The following LYSMD1 variants were observed in gnomAD, a reference collection of about 807,000 sequenced individuals.
LYSMD1 encodes the protein LysM domain containing 1.
A neutral mutation model predicts 19.3 loss-of-function variants in LYSMD1; 9 were observed. The ratio of observed to expected loss-of-function variants is 0.47; its 90% CI spans 0.28 to 0.81. The LOEUF (loss-of-function observed/expected upper bound fraction) is 0.81. Among genes scored for constraint, LYSMD1 ranks in the 40% least tolerant of loss-of-function variants. LYSMD1 has a pLI of 0.11. For missense variants in LYSMD1, 262 were observed against 279.8 expected (o/e 0.94, Z 0.45); for synonymous variants, 111 against 111.7 (o/e 0.99, Z 0.04).
At chr1:151,158,619 A>G (rs1683313398), downstream of LYSMD1, 2 of 1,304,030 alleles carry the variant, frequency 1.5e-6, no homozygotes. Context: ...CAGAAAAGGG[A>G]AAAGCCATTT....
At chr1:151,159,223 A>G (rs753588342), downstream of LYSMD1, 7 of 1,613,452 alleles carry the variant, frequency 4.3e-6, no homozygotes, top group Non-Finnish European at 5.9e-6. Flanking sequence ...TGACGGACTC[A>G]GGAAGCTGCT....
At chr1:151,155,701 G>A (rs1370494411), downstream of LYSMD1, among the ~76,000 whole-genome samples, 2 of 152,196 alleles carry the variant, frequency 1.3e-5, no homozygotes, top group Non-Finnish European at 2.9e-5. Flanking sequence ...GGGCGACAGA[G>A]TGAGACCCTA....
chr1:151,165,203 C>G lies in LYSMD1; in HGVS notation c.56G>C (p.Ser19Thr). 2.5e-6 allele frequency: 4 copies of G among 1,614,206 alleles called. No homozygotes were observed. Among genetic ancestry groups the G allele is most frequent in the Non-Finnish European group, 3.4e-6 (4 of 1,180,032 alleles). The change falls in exon 1 of 3, where the codon AGC becomes ACC. Residue 19 changes from serine (S) to threonine (T), a missense_variant. Ser to Thr is a moderately conservative substitution (Grantham distance 58). Coordinates refer to ENST00000368908, the MANE Select transcript of LYSMD1 (RefSeq NM_212551.5). The stretch of plus-strand genomic sequence containing the variant: ...CAGGCTTCCATATGAACGAGCCCGG[C>G]TCCCTTGAAGCAGTCCTGACCCCCC... ...PPGGSGLLQGSRARSYGSLVQ... is the reference protein window; with the variant it reads ...PPGGSGLLQGTRARSYGSLVQ...
chr1:151,159,501 G>A, downstream of LYSMD1: 1 of 453,840 alleles, frequency 2.2e-6, no homozygotes, highest in Non-Finnish European at 4.2e-6. Flanking sequence ...CCTGAAAAAG[G>A]TGAAGTGAAA....
Position 151,165,475 on chromosome 1 carries a change from T to C in LYSMD1, c.-217A>G. On this transcript the variant is annotated 5_prime_UTR_variant, in exon 1 of 3. Transcript: ENST00000368908. ...ACAAATCTGTCCCTTGAGTATTCAG[T>C]CCCTCCCTAATTCTCCCCTAAGCAC... The C allele has an allele frequency of 7.0e-7, 1 of 1,436,414 alleles. No individual in the cohort carries two copies. Among genetic ancestry groups the C allele is most frequent in the South Asian group, 1.5e-5 (1 of 66,640 alleles). The allele number at this position is 1,436,414 out of a possible 1,614,324, so 89.0% of individuals were successfully genotyped here.
In LYSMD1 at chr1:151,161,003, G is replaced by A; in HGVS notation, c.563C>T (p.Ala188Val). The stretch of plus-strand genomic sequence containing the variant: ...CCAAGGGGAGCTCAGGTGGAGACCT[G>A]CATCCTCCCCAGGTACCCTGCAATT... The part of the protein sequence containing the change: ...KGENGVPGED[A>V]GLHLSSPWMQ... The change falls in exon 3 of 3, where the codon GCA (alanine) becomes GTA (valine). Residue 188 changes from alanine (A) to valine (V), a missense_variant. Ala to Val is a moderately conservative substitution (Grantham distance 64). Coordinates refer to ENST00000368908, the MANE Select transcript of LYSMD1 (RefSeq NM_212551.5). 1.2e-6 allele frequency: 2 copies of A among 1,614,096 alleles called. No individual in the cohort carries two copies. Among genetic ancestry groups the A allele is most frequent in the Non-Finnish European group, 1.7e-6 (2 of 1,179,966 alleles).
At chr1:151,158,718 G>A (rs1683317729), downstream of LYSMD1, 2 of 1,606,530 alleles carry the variant, frequency 1.2e-6, no homozygotes, top group Non-Finnish European at 1.7e-6. Flanking sequence ...TCAGCTCAAA[G>A]AGCCTGGCAC....
chr1:151,165,382 G>A lies in LYSMD1; in HGVS notation c.-124C>T, dbSNP rs1449555212. On this transcript the variant is annotated 5_prime_UTR_variant, in exon 1 of 3. Transcript: ENST00000368908. ...CCTTTCCCCCTCTCTCTTCCCCTGT[G>A]TCCCCGCCTCCCCAGCACTACGCCA... The A allele has an allele frequency of 6.8e-7, 1 of 1,465,430 alleles. No individual in the cohort carries two copies. Among genetic ancestry groups the A allele is most frequent in the Non-Finnish European group, 9.0e-7 (1 of 1,110,880 alleles). The allele number at this position is 1,465,430 out of a possible 1,614,324, so 90.8% of individuals were successfully genotyped here.
intron 1 of LYSMD1, among the ~76,000 whole-genome samples, chr1:151,163,129 T>C (rs150755116): frequency 6.6e-6 from 1 of 152,316 alleles, no homozygotes; most frequent in Non-Finnish European, 1.5e-5. Context: ...ACTTTATTCA[T>C]GCTGTTACTT....
chr1:151,153,322 G>A, the LYSMD1 span, among the ~76,000 whole-genome samples: 1 of 152,154 alleles, frequency 6.6e-6, no homozygotes, highest in Non-Finnish European at 1.5e-5. Context: ...GTGAGCCACT[G>A]TACTCCAGCC....
At chr1:151,151,805 T>C in the LYSMD1 span, among the ~76,000 whole-genome samples, 2 of 151,694 alleles carry the variant, frequency 1.3e-5, no homozygotes, top group Admixed American at 1.3e-4. Flanking sequence ...GGCGGGCGCC[T>C]GTAGTCCCAG....
the LYSMD1 span, among the ~76,000 whole-genome samples, chr1:151,150,742 T>C: frequency 1.3e-5 from 2 of 149,648 alleles, no homozygotes; most frequent in African/African-American, 4.9e-5. Flanking sequence ...TTTTCTTTTT[T>C]TTTTTTTTTT....
chr1:151,153,181 GT>G, the LYSMD1 span, among the ~76,000 whole-genome samples: 1 of 152,310 alleles, frequency 6.6e-6, no homozygotes, highest in South Asian at 2.1e-4. Flanking sequence ...AAATTCAAAA[GT>G]GTTTTGCACA....
chr1:151,165,177 C>G lies in LYSMD1; in HGVS notation c.82G>C (p.Val28Leu). The change falls in exon 1 of 3, where the codon GTG becomes CTG. Residue 28 changes from valine to leucine, a missense_variant. Transcript: ENST00000368908. ...CTCACTGGGGAGCAGGCCGATTGCA[C>G]CAGGCTTCCATATGAACGAGCCCGG... The part of the protein sequence containing the change: ...GSRARSYGSL[V>L]QSACSPVRER... 3 of 1,614,192 alleles carry G rather than the reference C, an allele frequency of 1.9e-6. No individual in the cohort carries two copies. The highest frequency in any genetic ancestry group is 2.5e-6 in the Non-Finnish European group (3 of 1,180,036).
the LYSMD1 span, among the ~76,000 whole-genome samples, chr1:151,151,933 A>G: frequency 7.3e-5 from 11 of 151,702 alleles, no homozygotes; most frequent in African/African-American, 2.7e-4. Context: ...CCATCTTAAA[A>G]AAAAAAAAAA....
Position 151,165,233 on chromosome 1 carries a change from G to C in LYSMD1, c.26C>G (p.Pro9Arg). Residue 9 changes from proline (P) to arginine (R), a missense_variant, in exon 1 of 3, where the codon CCG (proline) becomes CGG (arginine). Transcript: ENST00000368908. ...TTGAAGCAGTCCTGACCCCCCTGGC[G>C]GGGGCTGTCTAGACGGGGAAGCCAT... MASPSRQPPPGGSGLLQGS... is the reference protein window; with the variant it reads MASPSRQPRPGGSGLLQGS... The C allele has an allele frequency of 6.2e-7, 1 of 1,613,878 alleles. No homozygotes were observed. Among genetic ancestry groups the C allele is most frequent in the African/African-American group, 1.3e-5 (1 of 75,032 alleles).
At position 151,160,729 on chromosome 1, in the gene LYSMD1, C is replaced by T; in HGVS notation, c.*153G>A. 3.3e-6 allele frequency: 3 copies of T among 921,062 alleles called. No individual in the cohort carries two copies. Among genetic ancestry groups the T allele is most frequent in the Non-Finnish European group, 4.8e-6 (3 of 625,146 alleles). The allele number at this position is 921,062 out of a possible 1,614,324, so 57.1% of individuals were successfully genotyped here. ...TCTTGCCAATAAAACTGCCCCAGGCCAAGGAATTTTTGGCAGACAAGGAGG... is the reference window on the plus strand; with the variant it reads ...TCTTGCCAATAAAACTGCCCCAGGCTAAGGAATTTTTGGCAGACAAGGAGG... On this transcript the variant is annotated 3_prime_UTR_variant, in exon 3 of 3. Coordinates refer to ENST00000368908, the MANE Select transcript of LYSMD1 (RefSeq NM_212551.5).
chr1:151,157,676 T>C (rs1683269655), downstream of LYSMD1, among the ~76,000 whole-genome samples: 2 of 152,178 alleles, frequency 1.3e-5, no homozygotes, highest in Admixed American at 6.5e-5. Context: ...TTGGCCAAAT[T>C]GCTATATTTC....
At chr1:151,161,595 A>G in intron 2 of LYSMD1, 141 bp downstream of exon 2, 1 of 1,102,958 alleles carries the variant, frequency 9.1e-7, no homozygotes, top group Non-Finnish European at 1.3e-6. Context: ...ACCTCTGCTC[A>G]TTATCTTGGG....
Sources: gnomAD v4.1 joint callset for allele counts (sites outside exome capture counted in the v4.1 genomes callset) on GRCh38, gnomAD v4.1.1 for gene constraint, MANE v1.5 for transcripts, NCBI Gene and HGNC (gene_info 2026-07-23, HGNC 2026-07-21) for gene names.